ZNF207: variants seen among roughly 807,000 people sequenced by gnomAD.
ZNF207 encodes the protein zinc finger protein 207.
ZNF207 carries 24 observed loss-of-function variants against 60.2 expected under a neutral mutation model. The ratio of observed to expected loss-of-function variants is 0.40; its 90% CI spans 0.29 to 0.56. The LOEUF (loss-of-function observed/expected upper bound fraction) is 0.56. ZNF207 is among the 20% of genes least tolerant of loss of function. The pLI, the probability that ZNF207 is intolerant of heterozygous loss-of-function variation, is 0.49. For missense variants in ZNF207, 452 were observed against 636.6 expected (o/e 0.71, Z 3.12); for synonymous variants, 236 against 194.7 (o/e 1.21, Z -1.77).
In ZNF207 at chr17:32,376,315, A is replaced by G. The variant is rs1905673169; in HGVS notation, c.*6556A>G. Reference sequence around the variant, plus strand: ...ACCTGGCATTTTTGTTAGAAAATAGATTACGTTTTAAAGTAACATTAAAAA... The same window carrying G: ...ACCTGGCATTTTTGTTAGAAAATAGGTTACGTTTTAAAGTAACATTAAAAA... On this transcript the variant is annotated 3_prime_UTR_variant, in exon 12 of 12. Coordinates refer to ENST00000394670, the MANE Select transcript of ZNF207 (RefSeq NM_001098507.2). 6.6e-6 allele frequency: 1 copy of G among 152,056 alleles called. No individual in the cohort carries two copies. Among genetic ancestry groups the G allele is most frequent in the Non-Finnish European group, 1.5e-5 (1 of 67,922 alleles). 9.4% of individuals were successfully genotyped at this position (152,056 alleles called of 1,614,324 possible). A position where few individuals can be genotyped will look rare whatever the true frequency, so the allele number is the denominator to read the frequency against.
chr17:32,359,755 C>T (rs960986224), intron 3 of ZNF207, among the ~76,000 whole-genome samples: 3 of 149,504 alleles, frequency 2.0e-5, no homozygotes, highest in Admixed American at 1.3e-4. Context: ...AAAAAAAATA[C>T]AAAAATTAGC....
chr17:32,364,132 C>T (rs1339919609), intron 7 of ZNF207, among the ~76,000 whole-genome samples: 1 of 151,770 alleles, frequency 6.6e-6, no homozygotes, highest in Admixed American at 6.6e-5. Flanking sequence ...TCCCAAAGTG[C>T]TGGGATTACA....
intron 6 of ZNF207, 126 bp from the exon 7 acceptor site, chr17:32,362,788 C>T: frequency 1.6e-6 from 1 of 625,300 alleles, no homozygotes; most frequent in African/African-American, 1.9e-5. Flanking sequence ...AGCTTTGATT[C>T]ATTTCAGTAT....
At position 32,374,788 on chromosome 17, in the gene ZNF207, A is replaced by T. The variant is rs1164659322; in HGVS notation, c.*5029A>T. 1 of 152,214 alleles carries T rather than the reference A, an allele frequency of 6.6e-6. No individual in the cohort carries two copies. The highest frequency in any genetic ancestry group is 1.5e-5 in the Non-Finnish European group (1 of 68,046). 9.4% of individuals were successfully genotyped at this position (152,214 alleles called of 1,614,324 possible). On this transcript the variant is annotated 3_prime_UTR_variant, in exon 12 of 12. Transcript: ENST00000394670. ...TTTCAGGTATCGAAACTGAAATTTG[A>T]TACCTGATCCTGTGGTAAAGTATGT...
At chr17:32,358,934 G>A (rs1904701246) in intron 3 of ZNF207, among the ~76,000 whole-genome samples, 1 of 151,932 alleles carries the variant, frequency 6.6e-6, no homozygotes, top group Non-Finnish European at 1.5e-5. Flanking sequence ...TGAGTAGCTG[G>A]CACTACAGGC....
chr17:32,376,533 C>T lies in ZNF207; in HGVS notation c.*6774C>T, dbSNP rs1375062697. On this transcript the variant is annotated 3_prime_UTR_variant, in exon 12 of 12. Transcript: ENST00000394670. Reference sequence around the variant, plus strand: ...ATCTGTTCAGTTAGTCTCATGTATTCTCAGGGGAAAATGTCTTTATTTTAC... The same window carrying T: ...ATCTGTTCAGTTAGTCTCATGTATTTTCAGGGGAAAATGTCTTTATTTTAC... 6.6e-6 allele frequency: 1 copy of T among 151,910 alleles called. No individual in the cohort carries two copies. Among genetic ancestry groups the T allele is most frequent in the Non-Finnish European group, 1.5e-5 (1 of 67,898 alleles). The allele number at this position is 151,910 out of a possible 1,614,324, so 9.4% of individuals were successfully genotyped here.
chr17:32,350,223 T>C lies in ZNF207; in HGVS notation c.-63T>C. The stretch of plus-strand genomic sequence containing the variant: ...GCCGTTGGGTTGGGAAAGTGAGGGA[T>C]TTTTGGCCTCGTTTCTCCTGCTTCT... On this transcript the variant is annotated 5_prime_UTR_variant, in exon 1 of 12. Transcript: ENST00000394670. The C allele has an allele frequency of 2.5e-6, 4 of 1,606,676 alleles. No homozygotes were observed. The highest frequency in any genetic ancestry group is 1.7e-4 in the Middle Eastern group (1 of 6,026).
rs769232638 is a variant in ZNF207, at chr17:32,369,353, C to A, written c.1223C>A (p.Ala408Asp). 2 of 1,614,108 alleles carry A rather than the reference C, an allele frequency of 1.2e-6. No homozygotes were observed. The highest frequency in any genetic ancestry group is 1.7e-6 in the Non-Finnish European group (2 of 1,180,032). ...CGTAATCTTCCTCGGCCAGGACAGG[C>A]CCCCATCGGTAATCCACCAGTTGGA... is the stretch of plus-strand genomic sequence containing the variant. ...YQRNLPRPGQ[A>D]PIGNPPVGPI... Residue 408 changes from alanine to aspartate, a missense_variant, in exon 11 of 12, where the codon GCC (alanine) becomes GAC (aspartate). This residue lies in a region of ZNF207 where 390 missense variants were observed against 461.4 expected (regional missense o/e 0.85). Transcript: ENST00000394670.
rs1555606145 is a variant in ZNF207, at chr17:32,360,186, C to CCAA, written c.308-412_308-411insCAA. ...CAAGACCTCACCTTTACCCCCCCCC[C>CCAA]AAAAAAAAAAAAAAAAAGCCCAGTG... On this transcript the variant is annotated intron_variant, in intron 3 of 11. Coordinates refer to ENST00000394670, the MANE Select transcript of ZNF207 (RefSeq NM_001098507.2). Among the ~76,000 whole-genome samples, 184 of 52,236 alleles carry CCAA rather than the reference C, an allele frequency of 3.5e-3. 4 individuals carry two copies. Among genetic ancestry groups the CCAA allele is most frequent in the African/African-American group, 5.7e-3 (78 of 13,746 alleles). The allele number at this position is 52,236 out of a possible 152,430, so 34.3% of individuals were successfully genotyped here.
Position 32,370,999 on chromosome 17 carries a change from T to C in ZNF207, c.*1240T>C, listed in dbSNP as rs1164103702. The stretch of plus-strand genomic sequence containing the variant: ...CCTAGGTAGCCTTACTGTGCAACTT[T>C]TTATTTATCCTTGGAAATTTTGAAT... On this transcript the variant is annotated 3_prime_UTR_variant, in exon 12 of 12. Coordinates refer to ENST00000394670, the MANE Select transcript of ZNF207 (RefSeq NM_001098507.2). 1.3e-5 allele frequency: 2 copies of C among 152,242 alleles called. No homozygotes were observed. The highest frequency in any genetic ancestry group is 1.3e-4 in the Admixed American group (2 of 15,284). 9.4% of individuals were successfully genotyped at this position (152,242 alleles called of 1,614,324 possible). A position where few individuals can be genotyped will look rare whatever the true frequency, so the allele number is the denominator to read the frequency against.
Position 32,369,741 on chromosome 17 carries a change from G to A in ZNF207, c.1467G>A (p.Ser489=), listed in dbSNP as rs149887633. 7.1e-6 allele frequency: 11 copies of A among 1,548,384 alleles called. No individual in the cohort carries two copies. Among genetic ancestry groups the A allele is most frequent in the Non-Finnish European group, 8.7e-6 (10 of 1,150,136 alleles). Residue 489 remains serine, a synonymous_variant, in exon 12 of 12, where the codon TCG becomes TCA. Transcript: ENST00000394670. ...TGGGAATGAGACCTCCTGTAATGTCGCAAGGTGGCCGTTACTGATCTTACT... is the reference window on the plus strand; with the variant it reads ...TGGGAATGAGACCTCCTGTAATGTCACAAGGTGGCCGTTACTGATCTTACT... The part of the protein sequence containing the change: ...PPMGMRPPVM[S]QGGRY
At position 32,377,280 on chromosome 17, in the gene ZNF207, T is replaced by C. The variant is rs1162304549; in HGVS notation, c.*7521T>C. 2 of 151,902 alleles carry C rather than the reference T, an allele frequency of 1.3e-5. No individual in the cohort carries two copies. Among genetic ancestry groups the C allele is most frequent in the African/African-American group, 4.8e-5 (2 of 41,378 alleles). 9.4% of individuals were successfully genotyped at this position (151,902 alleles called of 1,614,324 possible). ...ATTAAAATTTTATTCATAAATAGTT[T>C]AGCAGTCACAGAGGTGAAAAAAAAA... On this transcript the variant is annotated 3_prime_UTR_variant, in exon 12 of 12. Transcript: ENST00000394670.
chr17:32,361,933 G>C (rs1904904201), intron 6 of ZNF207, among the ~76,000 whole-genome samples: 1 of 152,070 alleles, frequency 6.6e-6, no homozygotes, highest in African/African-American at 2.4e-5. Flanking sequence ...AAATTTGAAA[G>C]AAAATTGACC....
rs78075799 is a variant in ZNF207, at chr17:32,377,306, A to G, written c.*7547A>G. On this transcript the variant is annotated 3_prime_UTR_variant, in exon 12 of 12. Transcript: ENST00000394670. ...AGCAGTCACAGAGGTGAAAAAAAAA[A>G]GATTTGCACCATCATATCCGAGTCT... 4.6e-5 allele frequency: 7 copies of G among 152,114 alleles called. No individual in the cohort carries two copies. The highest frequency in any genetic ancestry group is 1.7e-4 in the African/African-American group (7 of 41,544). The allele number at this position is 152,114 out of a possible 1,614,324, so 9.4% of individuals were successfully genotyped here.
chr17:32,351,755 GCTGT>G (rs758212195), intron 1 of ZNF207, 27 bp from the exon 2 acceptor site: 22 of 1,608,394 alleles, frequency 1.4e-5, no homozygotes, highest in Admixed American at 3.4e-5. Flanking sequence ...TCATCATTAG[GCTGT>G]CTTTGTGCCT....
intron 2 of ZNF207, among the ~76,000 whole-genome samples, chr17:32,355,632 C>T (rs1008375118): frequency 5.3e-5 from 8 of 152,150 alleles, no homozygotes; most frequent in African/African-American, 1.9e-4. Flanking sequence ...AGCCGCGCTA[C>T]CAGATGTCCT....
At chr17:32,359,448 A>T (rs996018899) in intron 3 of ZNF207, among the ~76,000 whole-genome samples, 16 of 151,940 alleles carry the variant, frequency 1.1e-4, no homozygotes, top group African/African-American at 3.6e-4. Context: ...GGGTTTCACC[A>T]TGTTGGTCAG....
At position 32,373,757 on chromosome 17, in the gene ZNF207, G is replaced by T. The variant is rs1905562799; in HGVS notation, c.*3998G>T. On this transcript the variant is annotated 3_prime_UTR_variant, in exon 12 of 12. Transcript: ENST00000394670. ...TAAATTGACAAAATTTGATATTTTT[G>T]ATTGGAGGCAAGAAATGTTTCATTC... 1 of 234,616 alleles carries T rather than the reference G, an allele frequency of 4.3e-6. No homozygotes were observed. Among genetic ancestry groups the T allele is most frequent in the East Asian group, 8.5e-5 (1 of 11,782 alleles). 14.5% of individuals were successfully genotyped at this position (234,616 alleles called of 1,614,324 possible). A position where few individuals can be genotyped will look rare whatever the true frequency, so the allele number is the denominator to read the frequency against.
intron 9 of ZNF207, among the ~76,000 whole-genome samples, chr17:32,367,083 C>CA (rs1567824511): frequency 1.3e-5 from 2 of 151,146 alleles, no homozygotes; most frequent in Non-Finnish European, 3.0e-5. Flanking sequence ...TTTAATACTG[C>CA]TTTGGTTCTA....
Sources: allele counts gnomAD v4.1 joint callset (sites outside exome capture counted in the v4.1 genomes callset), GRCh38; gene constraint gnomAD v4.1.1; regional missense constraint gnomAD v4.1.1; transcripts MANE v1.5; gene names NCBI Gene and HGNC (gene_info 2026-07-23, HGNC 2026-07-21).